Variants in C9 observed in about 807,000 individuals in gnomAD.
C9 encodes the protein complement component C9.
In C9, 63 loss-of-function variants were observed where a neutral mutation model predicts 65.4. The ratio of observed to expected loss-of-function variants is 0.96; its 90% CI spans 0.79 to 1.19. The LOEUF is 1.19. Among genes scored for constraint, C9 ranks in the 50% most tolerant of loss-of-function variants. C9 has a pLI of 0.00. For missense variants in C9, 744 were observed against 670.1 expected (o/e 1.11, Z -1.22); for synonymous variants, 229 against 227.9 (o/e 1.00, Z -0.04).
intron 9 of C9, among the ~76,000 whole-genome samples, chr5:39,305,509 T>C (rs925204719): frequency 1.3e-5 from 2 of 152,000 alleles, no homozygotes; most frequent in African/African-American, 4.8e-5. Context: ...CAGTCAAAAA[T>C]AAATGTGACC....
At chr5:39,333,008 T>G (rs896694220) in intron 4 of C9, among the ~76,000 whole-genome samples, 1 of 152,198 alleles carries the variant, frequency 6.6e-6, no homozygotes, top group Non-Finnish European at 1.5e-5. Context: ...GGCTGACATA[T>G]AGATAAAATT....
intron 4 of C9, among the ~76,000 whole-genome samples, chr5:39,335,264 G>A (rs1050166628): frequency 1.3e-5 from 2 of 152,122 alleles, no homozygotes; most frequent in African/African-American, 2.4e-5. Context: ...ATATCTATGT[G>A]TTGTACAGTG....
At chr5:39,333,660 G>C (rs111996133) in intron 4 of C9, among the ~76,000 whole-genome samples, 33 of 92,052 alleles carry the variant, frequency 3.6e-4, no homozygotes, top group Non-Finnish European at 6.0e-4. Context: ...CTCTCATGCC[G>C]AGCGGCAGCT....
intron 5 of C9, among the ~76,000 whole-genome samples, chr5:39,319,550 T>C (rs1006207875): frequency 1.3e-5 from 2 of 152,132 alleles, no homozygotes; most frequent in Non-Finnish European, 2.9e-5. Flanking sequence ...TCAGGCCAGC[T>C]TCCATGACCT....
chr5:39,363,101 T>C (rs1362455668), intron 1 of C9, among the ~76,000 whole-genome samples: 1 of 152,168 alleles, frequency 6.6e-6, no homozygotes, highest in Non-Finnish European at 1.5e-5. Context: ...TTATTATTAT[T>C]TTTTAGCTTA....
chr5:39,288,815 G>A lies in C9; in HGVS notation c.1553C>T (p.Thr518Ile), dbSNP rs146193282. 1.2e-6 allele frequency: 2 copies of A among 1,611,840 alleles called. No homozygotes were observed. The highest frequency in any genetic ancestry group is 1.3e-5 in the African/African-American group (1 of 74,872). ...ACACTTTCCATCCATTAGAATCACT[G>A]TACCTCCATTTTGGCATGTGTGGCA... ...RKCHTCQNGG[T>I]VILMDGKCLC... The change falls in exon 10 of 11, where the codon ACA becomes ATA. Residue 518 changes from threonine (T) to isoleucine (I), a missense_variant. Thr to Ile is a moderately conservative substitution (Grantham distance 89, BLOSUM62 -1). Transcript: ENST00000263408.
chr5:39,290,353 G>A (rs1177103669), intron 9 of C9, among the ~76,000 whole-genome samples: 2 of 151,828 alleles, frequency 1.3e-5, no homozygotes, highest in African/African-American at 2.4e-5. Flanking sequence ...AGCTGTTTGA[G>A]TGAATAAACT....
chr5:39,343,747 C>T (rs1315348745), intron 1 of C9, among the ~76,000 whole-genome samples: 3 of 152,192 alleles, frequency 2.0e-5, no homozygotes, highest in African/African-American at 7.2e-5. Context: ...CCCTGATCCC[C>T]AAGTAGCCTA....
chr5:39,289,874 C>T (rs551651228), intron 9 of C9, among the ~76,000 whole-genome samples: 1 of 151,952 alleles, frequency 6.6e-6, no homozygotes, highest in South Asian at 2.1e-4. Flanking sequence ...ATTTCCTGAG[C>T]CCCATCCAAC....
intron 1 of C9, among the ~76,000 whole-genome samples, chr5:39,359,102 GTATATATA>G (rs1157807681): frequency 4.8e-5 from 5 of 103,668 alleles, no homozygotes; most frequent in East Asian, 2.3e-4. Context: ...GTGTGTGTGT[GTATATATA>G]TATATATATA....
At chr5:39,302,080 A>G (rs939033191) in intron 9 of C9, among the ~76,000 whole-genome samples, 9 of 152,122 alleles carry the variant, frequency 5.9e-5, no homozygotes, top group African/African-American at 2.2e-4. Context: ...GATTAAATGT[A>G]TAAACAGTGT....
chr5:39,303,784 G>A (rs896589170), intron 9 of C9, among the ~76,000 whole-genome samples: 9 of 151,926 alleles, frequency 5.9e-5, no homozygotes, highest in Admixed American at 4.6e-4. Context: ...GGTTCTGCTT[G>A]TTTCCTCCCG....
chr5:39,333,396 A>T (rs1386847862), intron 4 of C9, among the ~76,000 whole-genome samples: 4 of 152,084 alleles, frequency 2.6e-5, no homozygotes, highest in African/African-American at 9.7e-5. Context: ...GCTTTCCTGT[A>T]TTTGTGCCAT....
At chr5:39,343,819 T>G (rs529571) in intron 1 of C9, among the ~76,000 whole-genome samples, 11,679 of 152,212 alleles carry the variant, frequency 0.077, 895 homozygotes, top group African/African-American at 0.19. Context: ...ACCCCTCTGA[T>G]ATGAAGCTTC....
rs879157287 is a variant in C9, at chr5:39,342,037, A to T, written c.183+54T>A. The T allele has an allele frequency of 5.1e-6, 5 of 987,256 alleles. No homozygotes were observed. In the South Asian group the frequency reaches 5.1e-5, roughly 10 times the overall value. 61.2% of individuals were successfully genotyped at this position (987,256 alleles called of 1,614,324 possible). A position where few individuals can be genotyped will look rare whatever the true frequency, so the allele number is the denominator to read the frequency against. On this transcript the variant is annotated intron_variant, in intron 2 of 10. Transcript: ENST00000263408. ...TCATAATCATTTTTCTGGAGAGGCT[A>T]GCAATACAGTTTCCATTTGGGGAGG... is the stretch of plus-strand genomic sequence containing the variant.
intron 1 of C9, among the ~76,000 whole-genome samples, chr5:39,363,305 T>C (rs2111997382): frequency 6.6e-6 from 1 of 152,330 alleles, no homozygotes. Context: ...TGTTCATCTG[T>C]GTAGCACCTC....
chr5:39,324,718 A>C lies in C9; in HGVS notation c.615+6958T>G, dbSNP rs1402757204. ...AAGAAGTCTAGGCTCAATGTTAAGC[A>C]TTCAGAAATAGACCAATACTTGTAA... On this transcript the variant is annotated intron_variant, in intron 5 of 10. Coordinates refer to ENST00000263408, the MANE Select transcript of C9 (RefSeq NM_001737.5). 6.6e-5 allele frequency among the ~76,000 whole-genome samples: 10 copies of C among 152,166 alleles called. No individual in the cohort carries two copies. In the East Asian group the frequency reaches 1.3e-3, roughly 20 times the overall value.
intron 9 of C9, among the ~76,000 whole-genome samples, chr5:39,301,272 C>G (rs1484070204): frequency 1.3e-5 from 2 of 151,940 alleles, no homozygotes; most frequent in Non-Finnish European, 2.9e-5. Context: ...ACTGACCAGT[C>G]CTCATAAAAA....
intron 1 of C9, among the ~76,000 whole-genome samples, chr5:39,363,149 CT>C (rs1754551673): frequency 6.6e-6 from 1 of 152,194 alleles, no homozygotes; most frequent in South Asian, 2.1e-4. Context: ...GCTAAAGCAA[CT>C]TGGAGGAACT....
Sources: allele counts gnomAD v4.1 joint callset (sites outside exome capture counted in the v4.1 genomes callset), GRCh38; gene constraint gnomAD v4.1.1; transcripts MANE v1.5; gene names NCBI Gene and HGNC (gene_info 2026-07-23, HGNC 2026-07-21).